SDK1: variants seen among roughly 807,000 people sequenced by gnomAD.
SDK1 encodes protein sidekick-1.
A neutral mutation model predicts 245.5 loss-of-function variants in SDK1; 157 were observed. The ratio of observed to expected loss-of-function variants is 0.64; its 90% CI spans 0.56 to 0.73. The LOEUF (loss-of-function observed/expected upper bound fraction) is 0.73. SDK1 is among the 30% of genes least tolerant of loss of function. SDK1 has a pLI of 0.00. For missense variants in SDK1, 3,583 were observed against 3,002.3 expected (o/e 1.19, Z -4.52); for synonymous variants, 1,647 against 1,278.5 (o/e 1.29, Z -6.15).
intron 1 of SDK1, among the ~76,000 whole-genome samples, chr7:3,517,042 C>G (rs1273912341): frequency 6.6e-6 from 1 of 152,052 alleles, no homozygotes; most frequent in African/African-American, 2.4e-5. Context: ...AGCAAACATT[C>G]CTGATTTTTC....
At chr7:3,729,300 T>C (rs1176575004) in intron 4 of SDK1, among the ~76,000 whole-genome samples, 1 of 152,238 alleles carries the variant, frequency 6.6e-6, no homozygotes, top group Admixed American at 6.5e-5. Context: ...CTGGCTAATA[T>C]ATAATTCCTT....
Position 3,962,747 on chromosome 7 carries a change from G to A in SDK1, c.1325G>A (p.Gly442Asp). The change falls in exon 9 of 45, where the codon GGC becomes GAC. Residue 442 changes from glycine (G) to aspartate (D), a missense_variant. Gly to Asp is a moderately conservative substitution (Grantham distance 94, BLOSUM62 -1). Transcript: ENST00000404826. ...CGATACAAAGTGCTCGCCAGCGGAG[G>A]CCTGCGCATCCAGAAGCTGCGTCCA... ...NPRYKVLASG[G>D]LRIQKLRPED... 1 of 1,613,728 alleles carries A rather than the reference G, an allele frequency of 6.2e-7. No individual in the cohort carries two copies. The highest frequency in any genetic ancestry group is 8.5e-7 in the Non-Finnish European group (1 of 1,179,868).
chr7:3,347,742 T>C (rs1322973560), intron 1 of SDK1, among the ~76,000 whole-genome samples: 1 of 152,310 alleles, frequency 6.6e-6, no homozygotes, highest in East Asian at 1.9e-4. Context: ...GGTACCATTT[T>C]AGTAAATTAA....
intron 4 of SDK1, among the ~76,000 whole-genome samples, chr7:3,744,951 CCAAAT>C (rs1779577851): frequency 6.6e-6 from 1 of 152,088 alleles, no homozygotes; most frequent in Non-Finnish European, 1.5e-5. Context: ...CTCACGAAGG[CCAAAT>C]CTCCTGTGTG....
intron 1 of SDK1, among the ~76,000 whole-genome samples, chr7:3,386,543 C>T (rs1035740254): frequency 2.0e-4 from 31 of 152,114 alleles, no homozygotes; most frequent in Admixed American, 5.9e-4. Flanking sequence ...AATTATTTTC[C>T]GTATTCTCTG....
At chr7:4,104,113 G>C (rs1782755763) in intron 22 of SDK1, among the ~76,000 whole-genome samples, 1 of 152,228 alleles carries the variant, frequency 6.6e-6, no homozygotes, top group South Asian at 2.1e-4. Flanking sequence ...ATGCTGGAGT[G>C]CAGTTGCATA....
At chr7:4,023,022 C>G (rs966598746) in intron 17 of SDK1, among the ~76,000 whole-genome samples, 1 of 152,080 alleles carries the variant, frequency 6.6e-6, no homozygotes, top group Non-Finnish European at 1.5e-5. Context: ...GATCCGCCTG[C>G]CTCGGCCTCC....
chr7:3,603,982 C>T (rs1021422291), intron 1 of SDK1, among the ~76,000 whole-genome samples: 1 of 152,022 alleles, frequency 6.6e-6, no homozygotes, highest in Admixed American at 6.6e-5. Context: ...GCTGGATTAC[C>T]TTTATTGATT....
intron 1 of SDK1, among the ~76,000 whole-genome samples, chr7:3,519,803 A>T (rs2128614116): frequency 6.6e-6 from 1 of 152,298 alleles, no homozygotes; most frequent in Middle Eastern, 3.4e-3. Context: ...AAAAACGGCA[A>T]GTCTAGCCTT....
At chr7:3,500,360 A>C (rs1046906810) in intron 1 of SDK1, among the ~76,000 whole-genome samples, 3 of 151,974 alleles carry the variant, frequency 2.0e-5, no homozygotes, top group Non-Finnish European at 4.4e-5. Flanking sequence ...ATTCTTTGAG[A>C]TCTTGTAAAT....
At chr7:3,423,783 T>A (rs1393695419) in intron 1 of SDK1, among the ~76,000 whole-genome samples, 1 of 152,170 alleles carries the variant, frequency 6.6e-6, no homozygotes, top group Non-Finnish European at 1.5e-5. Context: ...CTTTGAAAAT[T>A]ATAATTCAAC....
At chr7:3,957,952 T>A (rs1047671523) in intron 7 of SDK1, 1 of 470,420 alleles carries the variant, frequency 2.1e-6, no homozygotes, top group Non-Finnish European at 4.4e-6. Context: ...GAAACATCAC[T>A]TTGCCTCCTT....
chr7:3,717,474 A>G (rs1056993853), intron 4 of SDK1, among the ~76,000 whole-genome samples: 1 of 152,214 alleles, frequency 6.6e-6, no homozygotes, highest in Admixed American at 6.5e-5. Context: ...TTAAATGTGT[A>G]TATTAGAAAG....
At chr7:3,628,179 T>C (rs1562614163) in intron 2 of SDK1, among the ~76,000 whole-genome samples, 1 of 152,124 alleles carries the variant, frequency 6.6e-6, no homozygotes, top group Non-Finnish European at 1.5e-5. Context: ...GTTCTATCAA[T>C]TGGTGAGGCC....
chr7:3,442,571 A>T (rs1780225374), intron 1 of SDK1, among the ~76,000 whole-genome samples: 1 of 152,214 alleles, frequency 6.6e-6, no homozygotes, highest in African/African-American at 2.4e-5. Context: ...AACCTGCCTG[A>T]GTTCAAATCA....
At chr7:3,809,476 C>T (rs1266679526) in intron 4 of SDK1, among the ~76,000 whole-genome samples, 1 of 152,174 alleles carries the variant, frequency 6.6e-6, no homozygotes, top group Admixed American at 6.5e-5. Context: ...CGCAGGTGCT[C>T]CCGTCTCTGC....
intron 5 of SDK1, among the ~76,000 whole-genome samples, chr7:3,915,865 A>G (rs1008070006): frequency 7.9e-5 from 12 of 152,046 alleles, no homozygotes; most frequent in Admixed American, 7.2e-4. Context: ...ATAACTTTTT[A>G]CTTACTTTTT....
chr7:3,891,735 C>T lies in SDK1; in HGVS notation c.848-59188C>T, dbSNP rs111729036. 1.3e-3 allele frequency among the ~76,000 whole-genome samples: 201 copies of T among 152,272 alleles called. 1 individual carries two copies. Among genetic ancestry groups the T allele is most frequent in the African/African-American group, 4.3e-3 (178 of 41,560 alleles). ...ACCTTGATAATCCAACTAAAGGTTT[C>T]GGCGCAAGAGCCAATGATTGCATCT... On this transcript the variant is annotated intron_variant, in intron 5 of 44. Coordinates refer to ENST00000404826, the MANE Select transcript of SDK1 (RefSeq NM_152744.4).
At chr7:4,083,177 C>G (rs1781171410) in intron 22 of SDK1, among the ~76,000 whole-genome samples, 1 of 152,150 alleles carries the variant, frequency 6.6e-6, no homozygotes, top group African/African-American at 2.4e-5. Flanking sequence ...CACATATACA[C>G]ACACCTGGGA....
Sources: gnomAD v4.1 joint callset for allele counts (sites outside exome capture counted in the v4.1 genomes callset) on GRCh38, gnomAD v4.1.1 for gene constraint, MANE v1.5 for transcripts, NCBI Gene and HGNC (gene_info 2026-07-23, HGNC 2026-07-21) for gene names.